Variants in PSAT1 observed in about 807,000 individuals in gnomAD.
PSAT1 encodes phosphoserine aminotransferase.
Under a neutral mutation model 40.3 loss-of-function variants are expected in PSAT1, and 41 were observed. The ratio of observed to expected loss-of-function variants is 1.02; its 90% confidence interval spans 0.79 to 1.32. The LOEUF is 1.32. Among genes scored for constraint, PSAT1 ranks in the 40% most tolerant of loss-of-function variants. The probability of loss-of-function intolerance (pLI) is 0.00; values close to 1 mark genes in which losing one functional copy is unlikely to be tolerated. For synonymous variants in PSAT1, 147 were observed against 170.5 expected, an observed-to-expected ratio of 0.86 and a Z score of 1.07; for missense variants, 406 against 455.8, an observed-to-expected ratio of 0.89 and a Z score of 0.99.
intron 6 of PSAT1, among the ~76,000 whole-genome samples, chr9:78,309,517 T>G (rs7870991): frequency 6.6e-6 from 1 of 151,874 alleles, no homozygotes; most frequent in South Asian, 2.1e-4. Flanking sequence ...TGCGTGCCAC[T>G]ACGCCCAGCT....
intron 7 of PSAT1, among the ~76,000 whole-genome samples, chr9:78,322,774 A>G (rs1231300362): frequency 1.3e-5 from 2 of 152,234 alleles, no homozygotes; most frequent in African/African-American, 2.4e-5. Context: ...CTCATAGACA[A>G]ATGGAAAGAT....
chr9:78,298,923 C>T (rs1828065524), intron 1 of PSAT1, among the ~76,000 whole-genome samples: 1 of 151,976 alleles, frequency 6.6e-6, no homozygotes, highest in African/African-American at 2.4e-5. Flanking sequence ...GCCTAATTAC[C>T]TGTGACATAC....
chr9:78,302,545 G>A (rs1212404672), intron 3 of PSAT1, among the ~76,000 whole-genome samples: 1 of 151,874 alleles, frequency 6.6e-6, no homozygotes, highest in Non-Finnish European at 1.5e-5. Flanking sequence ...TGGCTACCAC[G>A]GTGAAACCCC....
chr9:78,315,881 G>A (rs1248160714), intron 6 of PSAT1, among the ~76,000 whole-genome samples: 1 of 152,180 alleles, frequency 6.6e-6, no homozygotes, highest in African/African-American at 2.4e-5. Context: ...GAAGCAGCTG[G>A]GTATCCCCAC....
At chr9:78,302,554 C>T (rs1224152836) in intron 3 of PSAT1, among the ~76,000 whole-genome samples, 1 of 151,842 alleles carries the variant, frequency 6.6e-6, no homozygotes, top group Non-Finnish European at 1.5e-5. Context: ...CGGTGAAACC[C>T]CATCTACTAA....
intron 3 of PSAT1, 59 bp from the exon 4 acceptor site, chr9:78,304,676 G>GTTCTCAATC: frequency 6.7e-7 from 1 of 1,499,160 alleles, no homozygotes; most frequent in South Asian, 1.1e-5. Context: ...AGCATCACTT[G>GTTCTCAATC]TTCTCAATCT....
At chr9:78,323,374 C>T (rs1036832687) in intron 7 of PSAT1, among the ~76,000 whole-genome samples, 1 of 152,088 alleles carries the variant, frequency 6.6e-6, no homozygotes. Context: ...GAGTTTGAGA[C>T]CAGCCTGGGC....
chr9:78,308,285 A>G, intron 5 of PSAT1, 129 bp from the exon 6 acceptor site: 1 of 1,066,344 alleles, frequency 9.4e-7, no homozygotes. Flanking sequence ...TTAGAGCATG[A>G]ACTGCTCCCT....
At chr9:78,313,888 C>T (rs1014443850) in intron 6 of PSAT1, among the ~76,000 whole-genome samples, 2 of 152,204 alleles carry the variant, frequency 1.3e-5, no homozygotes, top group Non-Finnish European at 1.5e-5. Context: ...CTCAAGCTGT[C>T]CTCCCACACT....
Position 78,308,500 on chromosome 9 carries a change from T to G in PSAT1, c.657T>G (p.Phe219Leu). 6.2e-7 allele frequency: 1 copy of G among 1,614,074 alleles called. No homozygotes were observed. Among genetic ancestry groups the G allele is most frequent in the Non-Finnish European group, 8.5e-7 (1 of 1,179,978 alleles). Residue 219 changes from phenylalanine (F) to leucine (L), a missense_variant, in exon 6 of 9, where the codon TTT becomes TTG. Phe to Leu is a conservative substitution (Grantham distance 22). Coordinates refer to ENST00000376588, the MANE Select transcript of PSAT1 (RefSeq NM_058179.4). ...VVIVRDDLLGFALRECPSVLE... is the reference protein window; with the variant it reads ...VVIVRDDLLGLALRECPSVLE... ...TTGTCCGTGATGACCTGCTGGGGTT[T>G]GCCCTCCGAGAGTGCCCCTCGGTCC...
chr9:78,297,494 C>G (rs1334747150), intron 1 of PSAT1, among the ~76,000 whole-genome samples: 1 of 152,236 alleles, frequency 6.6e-6, no homozygotes, highest in Non-Finnish European at 1.5e-5. Context: ...GCAGCTGCCC[C>G]TGGCCCTGAC....
chr9:78,308,443 G>A lies in PSAT1; in HGVS notation c.600G>A (p.Lys200=). ...KFGVIFAGAQ[K]NVGSAGVTVV... ...GTGTGATTTTTGCTGGTGCCCAGAA[G>A]AATGTTGGCTCTGCTGGGGTCACCG... is the stretch of plus-strand genomic sequence containing the variant. Residue 200 remains lysine, a synonymous_variant, in exon 6 of 9, where the codon AAG becomes AAA. Transcript: ENST00000376588. 1 of 1,613,872 alleles carries A rather than the reference G, an allele frequency of 6.2e-7. No individual in the cohort carries two copies. Among genetic ancestry groups the A allele is most frequent in the South Asian group, 1.1e-5 (1 of 91,046 alleles).
At chr9:78,322,904 G>A (rs1012755694) in intron 7 of PSAT1, among the ~76,000 whole-genome samples, 3 of 152,208 alleles carry the variant, frequency 2.0e-5, no homozygotes, top group African/African-American at 7.2e-5. Context: ...TGCACTTTTG[G>A]TGAGAGTATA....
At chr9:78,325,841 A>G (rs752649369) in intron 7 of PSAT1, among the ~76,000 whole-genome samples, 1 of 152,102 alleles carries the variant, frequency 6.6e-6, no homozygotes, top group African/African-American at 2.4e-5. Context: ...TTGCTTTGTG[A>G]TATCTTCTAC....
chr9:78,298,507 T>G (rs1014103133), intron 1 of PSAT1: 1 of 885,330 alleles, frequency 1.1e-6, no homozygotes, highest in Non-Finnish European at 1.4e-6. Context: ...TGGTTACAGT[T>G]CATTTTAGGC....
At chr9:78,308,127 AG>A (rs1339024931) in intron 5 of PSAT1, among the ~76,000 whole-genome samples, 1 of 152,142 alleles carries the variant, frequency 6.6e-6, no homozygotes, top group Non-Finnish European at 1.5e-5. Context: ...GGGGGTAGAA[AG>A]GAGGTGTGCA....
chr9:78,318,060 C>T (rs1828375079), intron 7 of PSAT1, among the ~76,000 whole-genome samples: 2 of 152,250 alleles, frequency 1.3e-5, no homozygotes, highest in South Asian at 4.1e-4. Flanking sequence ...AGACATCGCC[C>T]TGGGGAAGAA....
rs986225228 is a variant in PSAT1, at chr9:78,329,347, C to A, written c.*261C>A. On this transcript the variant is annotated 3_prime_UTR_variant, in exon 9 of 9. Coordinates refer to ENST00000376588, the MANE Select transcript of PSAT1 (RefSeq NM_058179.4). ...TCTAACAAATTCCCGCGTATTTTGC[C>A]TTTGCTGCTACTTTTTCTAGTTAGA... is the stretch of plus-strand genomic sequence containing the variant. 2.2e-6 allele frequency: 1 copy of A among 463,298 alleles called. No individual in the cohort carries two copies. The highest frequency in any genetic ancestry group is 4.0e-6 in the Non-Finnish European group (1 of 252,962). The allele number at this position is 463,298 out of a possible 1,614,324, so 28.7% of individuals were successfully genotyped here.
chr9:78,327,165 G>A (rs1269666527), intron 7 of PSAT1, among the ~76,000 whole-genome samples: 6 of 150,584 alleles, frequency 4.0e-5, no homozygotes, highest in Non-Finnish European at 8.8e-5. Flanking sequence ...GTTTCACCAT[G>A]TTAATCAGGC....
Sources: allele counts gnomAD v4.1 joint callset (sites outside exome capture counted in the v4.1 genomes callset), GRCh38; gene constraint gnomAD v4.1.1; transcripts MANE v1.5; gene names NCBI Gene and HGNC (gene_info 2026-07-23, HGNC 2026-07-21).